The following CTDSPL2 variants were observed in gnomAD, a reference collection of about 807,000 sequenced individuals.
CTDSPL2 encodes CTD small phosphatase like 2, also known as CTD small phosphatase-like protein 2.
A neutral mutation model predicts 60.0 loss-of-function variants in CTDSPL2; 5 were observed. That is an observed-to-expected ratio of 0.08 (90% CI 0.04 to 0.18). CTDSPL2 has a LOEUF of 0.18. CTDSPL2 is among the 10% of genes least tolerant of loss of function. The probability of loss-of-function intolerance (pLI) is 1.00; values close to 1 mark genes in which losing one functional copy is unlikely to be tolerated. For missense variants in CTDSPL2, 370 were observed against 548.8 expected (o/e 0.67, Z 3.26); for synonymous variants, 186 against 189.3 (o/e 0.98, Z 0.14).
intron 4 of CTDSPL2, among the ~76,000 whole-genome samples, chr15:44,489,038 G>A (rs1428287751): frequency 6.6e-6 from 1 of 151,894 alleles, no homozygotes; most frequent in Non-Finnish European, 1.5e-5. Context: ...AATAGTGAAG[G>A]TTTACATTGA....
chr15:44,441,708 CG>C (rs1336933427), intron 1 of CTDSPL2, among the ~76,000 whole-genome samples: 1 of 152,032 alleles, frequency 6.6e-6, no homozygotes, highest in Admixed American at 6.6e-5. Context: ...CCTCAGCTCT[CG>C]GATGGGTTTT....
At chr15:44,436,049 G>A (rs1432897712) in intron 1 of CTDSPL2, among the ~76,000 whole-genome samples, 2 of 152,128 alleles carry the variant, frequency 1.3e-5, no homozygotes, top group African/African-American at 4.8e-5. Flanking sequence ...AAGTAGTGGA[G>A]AGTAAAGGTG....
chr15:44,469,278 ATAT>A (rs2080758066), intron 2 of CTDSPL2, among the ~76,000 whole-genome samples: 1 of 152,322 alleles, frequency 6.6e-6, no homozygotes, highest in Non-Finnish European at 1.5e-5. Context: ...GTGCCATGAA[ATAT>A]TATTGTTCTT....
rs1270137421 is a variant in CTDSPL2, at chr15:44,528,346, T to G, written c.*4172T>G. On this transcript the variant is annotated 3_prime_UTR_variant, in exon 13 of 13. Transcript: ENST00000260327. ...GGCCTGAGAGTTCTGGCTTTTTTTTTTTGTTTGGTTGGTTTTGTTTTGTTT... is the reference window on the plus strand; with the variant it reads ...GGCCTGAGAGTTCTGGCTTTTTTTTGTTGTTTGGTTGGTTTTGTTTTGTTT... 2.0e-5 allele frequency: 3 copies of G among 151,966 alleles called. No homozygotes were observed. Among genetic ancestry groups the G allele is most frequent in the African/African-American group, 2.4e-5 (1 of 41,390 alleles). 9.4% of individuals were successfully genotyped at this position (151,966 alleles called of 1,614,324 possible).
intron 8 of CTDSPL2, 110 bp downstream of exon 8, chr15:44,499,923 A>G (rs2081360121): frequency 1.6e-6 from 1 of 619,852 alleles, no homozygotes; most frequent in African/African-American, 1.9e-5. Flanking sequence ...TTTCTGTAGA[A>G]GTATAATGGA....
At chr15:44,453,672 G>A (rs559251226) in intron 1 of CTDSPL2, among the ~76,000 whole-genome samples, 13 of 150,056 alleles carry the variant, frequency 8.7e-5, no homozygotes, top group African/African-American at 1.5e-4. Context: ...GAGAACATGC[G>A]GTATTTGGTT....
At chr15:44,449,968 G>C (rs2080301488) in intron 1 of CTDSPL2, among the ~76,000 whole-genome samples, 1 of 148,044 alleles carries the variant, frequency 6.8e-6, no homozygotes, top group African/African-American at 2.5e-5. Flanking sequence ...TCTTGCCTGG[G>C]TGACAGAGCG....
At position 44,494,597 on chromosome 15, in the gene CTDSPL2, CA is replaced by C. The variant is rs35844626; in HGVS notation, c.692-1772del. On this transcript the variant is annotated intron_variant, in intron 5 of 12. Coordinates refer to ENST00000260327, the MANE Select transcript of CTDSPL2 (RefSeq NM_016396.3). The stretch of plus-strand genomic sequence containing the variant: ...TGGGCAACAGAGCAGGACCCTGTCT[CA>C]AAAAAAAAAAGGTTAAAAGAATAAT... 3.3e-3 allele frequency among the ~76,000 whole-genome samples: 463 copies of C among 140,200 alleles called. 1 individual carries two copies. Among genetic ancestry groups the C allele is most frequent in the African/African-American group, 7.4e-3 (284 of 38,288 alleles). 92.0% of individuals were successfully genotyped at this position (140,200 alleles called of 152,430 possible).
At chr15:44,498,042 A>C (rs755213073) in intron 7 of CTDSPL2, among the ~76,000 whole-genome samples, 2 of 152,062 alleles carry the variant, frequency 1.3e-5, no homozygotes, top group Non-Finnish European at 2.9e-5. Flanking sequence ...CTTTGAAAAC[A>C]ATGATCTCCT....
chr15:44,504,718 AAAT>A (rs1567097812), intron 8 of CTDSPL2, among the ~76,000 whole-genome samples: 1 of 151,958 alleles, frequency 6.6e-6, no homozygotes, highest in Non-Finnish European at 1.5e-5. Flanking sequence ...CAAAAAAAAA[AAAT>A]TAGCCGGGCA....
rs942828163 is a variant in CTDSPL2, at chr15:44,528,113, A to G, written c.*3939A>G. 6.6e-6 allele frequency: 1 copy of G among 152,146 alleles called. No individual in the cohort carries two copies. Among genetic ancestry groups the G allele is most frequent in the Non-Finnish European group, 1.5e-5 (1 of 68,016 alleles). The allele number at this position is 152,146 out of a possible 1,614,324, so 9.4% of individuals were successfully genotyped here. Reference sequence around the variant, plus strand: ...TTGCCCAGAGGCAAGAGTTCTGGGGATATAACATGATTTGAGATCTTTTTT... The same window carrying G: ...TTGCCCAGAGGCAAGAGTTCTGGGGGTATAACATGATTTGAGATCTTTTTT... On this transcript the variant is annotated 3_prime_UTR_variant, in exon 13 of 13. Transcript: ENST00000260327.
intron 5 of CTDSPL2, among the ~76,000 whole-genome samples, chr15:44,495,604 T>A (rs1249641601): frequency 1.3e-5 from 2 of 151,610 alleles, no homozygotes; most frequent in African/African-American, 4.8e-5. Flanking sequence ...TACAGTTTTT[T>A]AAAATAAATC....
At chr15:44,506,543 A>G (rs920455006) in intron 8 of CTDSPL2, among the ~76,000 whole-genome samples, 1 of 150,096 alleles carries the variant, frequency 6.7e-6, no homozygotes, top group African/African-American at 2.5e-5. Context: ...CAGCCTCCCA[A>G]ACAGTAGCTG....
At position 44,511,576 on chromosome 15, in the gene CTDSPL2, A is replaced by G. The variant is rs59061192; in HGVS notation, c.970-3022A>G. ...AATGCGAAATCTGAAATGCCTCAAA[A>G]TCTGTAATTTATCACCAGGTGTGGT... On this transcript the variant is annotated intron_variant, in intron 8 of 12. Coordinates refer to ENST00000260327, the MANE Select transcript of CTDSPL2 (RefSeq NM_016396.3). Among the ~76,000 whole-genome samples, 190 of 152,300 alleles carry G rather than the reference A, an allele frequency of 1.2e-3. 2 individuals are homozygous for G. The highest frequency in any genetic ancestry group is 4.5e-3 in the African/African-American group (186 of 41,574).
intron 10 of CTDSPL2, 32 bp downstream of exon 10, chr15:44,514,876 T>G (rs751590074): frequency 2.5e-6 from 3 of 1,222,030 alleles, no homozygotes; most frequent in Non-Finnish European, 3.5e-6. Context: ...TGGAAATGTC[T>G]GTCACACTGA....
chr15:44,514,885 G>C, intron 10 of CTDSPL2, 41 bp downstream of exon 10: 1 of 1,150,702 alleles, frequency 8.7e-7, no homozygotes, highest in Non-Finnish European at 1.3e-6. Context: ...CTGTCACACT[G>C]ATCTATGAAA....
intron 3 of CTDSPL2, 131 bp downstream of exon 3, chr15:44,484,493 G>C: frequency 1.2e-6 from 1 of 852,774 alleles, no homozygotes; most frequent in Non-Finnish European, 1.8e-6. Context: ...CTCACATTTT[G>C]GGAGGCCGAG....
At chr15:44,462,527 C>T (rs755261982) in intron 2 of CTDSPL2, among the ~76,000 whole-genome samples, 2 of 151,432 alleles carry the variant, frequency 1.3e-5, no homozygotes, top group Non-Finnish European at 2.9e-5. Flanking sequence ...CACTAGAGTT[C>T]GTGCTCCTAT....
intron 12 of CTDSPL2, 65 bp from the exon 13 acceptor site, chr15:44,524,044 T>C: frequency 8.1e-7 from 1 of 1,232,108 alleles, no homozygotes. Context: ...GGTAAGAATG[T>C]ATGTTATGAG....
Sources: allele counts gnomAD v4.1 joint callset (sites outside exome capture counted in the v4.1 genomes callset), GRCh38; gene constraint gnomAD v4.1.1; transcripts MANE v1.5; gene names NCBI Gene and HGNC (gene_info 2026-07-23, HGNC 2026-07-21).